KAT6B: variants seen among roughly 807,000 people sequenced by gnomAD.
KAT6B encodes histone acetyltransferase KAT6B.
In KAT6B, 10 loss-of-function variants were observed where a neutral mutation model predicts 187.5. That is an observed-to-expected ratio of 0.05 (90% CI 0.03 to 0.09). The LOEUF (loss-of-function observed/expected upper bound fraction) is 0.09. KAT6B is among the 10% of genes least tolerant of loss of function. The pLI is 1.00. For synonymous variants in KAT6B, 861 were observed against 926.8 expected (o/e 0.93, Z 1.29); for missense variants, 1,952 against 2,558.9 (o/e 0.76, Z 5.12).
chr10:74,945,692 C>T (rs576862451), intron 3 of KAT6B, among the ~76,000 whole-genome samples: 1 of 152,174 alleles, frequency 6.6e-6, no homozygotes, highest in African/African-American at 2.4e-5. Context: ...TCAAGTGATC[C>T]GCCCGCCTCA....
chr10:74,868,634 G>A (rs1463038926), intron 3 of KAT6B, among the ~76,000 whole-genome samples: 1 of 152,160 alleles, frequency 6.6e-6, no homozygotes, highest in Non-Finnish European at 1.5e-5. Context: ...CTCCAGTTTA[G>A]TCACCTGTTG....
intron 3 of KAT6B, among the ~76,000 whole-genome samples, chr10:74,899,842 A>G (rs1346348723): frequency 6.6e-6 from 1 of 152,206 alleles, no homozygotes; most frequent in Non-Finnish European, 1.5e-5. Flanking sequence ...GTCTATATTG[A>G]ACTAATTTGA....
At chr10:75,026,770 C>A (rs374601364) in intron 17 of KAT6B, among the ~76,000 whole-genome samples, 8 of 152,140 alleles carry the variant, frequency 5.3e-5, no homozygotes, top group Admixed American at 4.6e-4. Context: ...AAATAATTGT[C>A]AGAAAGCTCA....
chr10:74,999,740 T>C (rs1676948695), intron 13 of KAT6B, among the ~76,000 whole-genome samples: 1 of 152,222 alleles, frequency 6.6e-6, no homozygotes, highest in South Asian at 2.1e-4. Context: ...ACCATCTCTC[T>C]TCTGGGACGA....
intron 4 of KAT6B, among the ~76,000 whole-genome samples, chr10:74,965,254 C>T (rs921823152): frequency 2.0e-5 from 3 of 152,240 alleles, no homozygotes; most frequent in Admixed American, 6.5e-5. Context: ...CTTCCCTGCT[C>T]TTCCCCTCTT....
At chr10:75,021,848 T>A (rs1156838960) in intron 15 of KAT6B, 33 bp from the exon 16 acceptor site, 5 of 1,613,560 alleles carry the variant, frequency 3.1e-6, no homozygotes, top group Non-Finnish European at 4.2e-6. Context: ...AACTGCCCTC[T>A]CACTGGCCAC....
chr10:74,865,560 G>A (rs1216210225), intron 3 of KAT6B, among the ~76,000 whole-genome samples: 3 of 150,826 alleles, frequency 2.0e-5, no homozygotes, highest in Non-Finnish European at 2.9e-5. Context: ...CTGTCACCCA[G>A]GCTGGAGTGC....
intron 16 of KAT6B, 59 bp from the exon 17 acceptor site, chr10:75,024,899 C>T (rs1564628048): frequency 9.9e-6 from 15 of 1,510,748 alleles, no homozygotes; most frequent in African/African-American, 2.8e-5. Flanking sequence ...TACTGCATAT[C>T]GACTCAACCA....
At chr10:74,825,239 T>C (rs1338678378), upstream of KAT6B, among the ~76,000 whole-genome samples, 1 of 151,878 alleles carries the variant, frequency 6.6e-6, no homozygotes, top group Admixed American at 6.6e-5. This position sits in a 1 kb window ranked among gnomAD's most constrained non-coding sequence, Gnocchi z 5.0. Context: ...CGCACCTCAG[T>C]CCCAGCCCTG....
chr10:74,901,994 C>G (rs1051149431), intron 3 of KAT6B, among the ~76,000 whole-genome samples: 1 of 152,106 alleles, frequency 6.6e-6, no homozygotes, highest in Non-Finnish European at 1.5e-5. Flanking sequence ...CTCTGGCTCT[C>G]CTTGTCCTCC....
intron 3 of KAT6B, among the ~76,000 whole-genome samples, chr10:74,915,799 C>T (rs751343571): frequency 2.0e-5 from 3 of 152,202 alleles, no homozygotes; most frequent in Non-Finnish European, 2.9e-5. Flanking sequence ...TATTGCTGCT[C>T]ATTGCCACTG....
chr10:74,878,541 A>G (rs910875071), intron 3 of KAT6B, among the ~76,000 whole-genome samples: 6 of 147,834 alleles, frequency 4.1e-5, no homozygotes, highest in African/African-American at 1.3e-4. Flanking sequence ...AATCACTTGA[A>G]CCCGGGAGGT....
chr10:74,950,067 G>A (rs930713123), intron 3 of KAT6B, among the ~76,000 whole-genome samples: 1 of 152,182 alleles, frequency 6.6e-6, no homozygotes, highest in Admixed American at 6.5e-5. Flanking sequence ...CCACAGAGAA[G>A]TATAATGAGC....
intron 3 of KAT6B, among the ~76,000 whole-genome samples, chr10:74,845,911 T>A (rs1842067388): frequency 6.6e-6 from 1 of 150,646 alleles, no homozygotes; most frequent in African/African-American, 2.4e-5. Context: ...TCTAAAAGGC[T>A]GGAGTGCAGT....
chr10:74,955,402 T>G (rs1840613879), intron 3 of KAT6B, among the ~76,000 whole-genome samples: 1 of 136,138 alleles, frequency 7.3e-6, no homozygotes, highest in Non-Finnish European at 1.6e-5. Context: ...CCCCAACTTT[T>G]TGTTTGGAAA....
At chr10:74,991,725 T>TTA (rs1843134301) in intron 13 of KAT6B, among the ~76,000 whole-genome samples, 1 of 152,192 alleles carries the variant, frequency 6.6e-6, no homozygotes, top group Admixed American at 6.5e-5. Flanking sequence ...GAGACTGGTG[T>TTA]TATTCCCTCA....
At chr10:74,830,804 TG>T (rs2131945480) in intron 1 of KAT6B, among the ~76,000 whole-genome samples, 1 of 72,128 alleles carries the variant, frequency 1.4e-5, no homozygotes, top group African/African-American at 5.6e-5. Flanking sequence ...TTTTTTTTTT[TG>T]AGACGGAGTT....
intron 1 of KAT6B, among the ~76,000 whole-genome samples, chr10:74,834,950 G>A (rs1391809891): frequency 6.6e-6 from 1 of 152,014 alleles, no homozygotes; most frequent in Non-Finnish European, 1.5e-5. Context: ...TTCATTCCCC[G>A]ATACATTTAT....
At chr10:74,971,167 GAACTCT>G (rs1325665301) in intron 6 of KAT6B, among the ~76,000 whole-genome samples, 1 of 152,054 alleles carries the variant, frequency 6.6e-6, no homozygotes, top group East Asian at 1.9e-4. Flanking sequence ...CTATATAAAT[GAACTCT>G]AATTTATTTA....
Sources: allele counts gnomAD v4.1 joint callset (sites outside exome capture counted in the v4.1 genomes callset), GRCh38; gene constraint gnomAD v4.1.1; non-coding constraint Gnocchi (gnomAD v3.1); transcripts MANE v1.5; gene names NCBI Gene and HGNC (gene_info 2026-07-23, HGNC 2026-07-21).